Variants in RAB7A observed in about 807,000 individuals in gnomAD.
RAB7A encodes the protein RAB7A, member RAS oncogene family, also known as ras-related protein Rab-7a.
In RAB7A, 2 loss-of-function variants were observed where a neutral mutation model predicts 24.5. That is an observed-to-expected ratio of 0.08 (90% CI 0.03 to 0.26). RAB7A has a LOEUF of 0.26. Ranked by LOEUF, RAB7A falls within the 10% of genes least tolerant of loss-of-function variation. RAB7A has a pLI of 1.00. For synonymous variants in RAB7A, 100 were observed against 95.9 expected (o/e 1.04, Z -0.25); for missense variants, 118 against 255.7 (o/e 0.46, Z 3.67).
chr3:128,773,090 A>G (rs986249181), intron 1 of RAB7A, among the ~76,000 whole-genome samples: 4 of 143,166 alleles, frequency 2.8e-5, no homozygotes, highest in African/African-American at 1.0e-4. Flanking sequence ...CCGGCTGCCC[A>G]GTCTGGGAAG....
intron 1 of RAB7A, among the ~76,000 whole-genome samples, chr3:128,733,610 A>G (rs1285913814): frequency 1.3e-5 from 2 of 152,130 alleles, no homozygotes; most frequent in Non-Finnish European, 2.9e-5. Context: ...TTTGTAAATG[A>G]CTGTCTTCTC....
intron 1 of RAB7A, among the ~76,000 whole-genome samples, chr3:128,762,959 A>C (rs1201187501): frequency 2.0e-5 from 3 of 152,086 alleles, no homozygotes; most frequent in Admixed American, 6.5e-5. Context: ...ATTAGACCTC[A>C]TGATACTTCA....
intron 1 of RAB7A, among the ~76,000 whole-genome samples, chr3:128,740,786 A>G (rs1179152662): frequency 6.6e-6 from 1 of 151,008 alleles, no homozygotes; most frequent in African/African-American, 2.4e-5. Flanking sequence ...ACTTGTAGTC[A>G]CACCTACTTG....
intron 1 of RAB7A, among the ~76,000 whole-genome samples, chr3:128,739,873 CG>C (rs1192782880): frequency 1.4e-4 from 22 of 151,996 alleles, no homozygotes; most frequent in African/African-American, 5.3e-4. Context: ...TGAAGACCAG[CG>C]TGACCAACAT....
At chr3:128,763,404 A>T (rs1027074823) in intron 1 of RAB7A, among the ~76,000 whole-genome samples, 1 of 151,256 alleles carries the variant, frequency 6.6e-6, no homozygotes, top group Non-Finnish European at 1.5e-5. Flanking sequence ...TTTTTAGTAG[A>T]GACGGGGTTT....
chr3:128,734,906 A>T (rs929809556), intron 1 of RAB7A, among the ~76,000 whole-genome samples: 3 of 152,238 alleles, frequency 2.0e-5, no homozygotes, highest in Non-Finnish European at 4.4e-5. Flanking sequence ...ATGAATCATT[A>T]TTCTAGAATG....
chr3:128,788,985 C>T (rs1431193797), intron 1 of RAB7A, among the ~76,000 whole-genome samples: 1 of 152,164 alleles, frequency 6.6e-6, no homozygotes, highest in African/African-American at 2.4e-5. Context: ...AAACATTGTA[C>T]TTGAAAGAAA....
At chr3:128,802,130 C>T (rs186661754) in intron 3 of RAB7A, among the ~76,000 whole-genome samples, 1 of 152,350 alleles carries the variant, frequency 6.6e-6, no homozygotes, top group African/African-American at 2.4e-5. Flanking sequence ...GAAGGAAGAA[C>T]ACTTCAATAG....
intron 1 of RAB7A, among the ~76,000 whole-genome samples, chr3:128,792,911 C>T (rs1490679675): frequency 6.6e-6 from 1 of 150,688 alleles, no homozygotes; most frequent in Non-Finnish European, 1.5e-5. Context: ...AGTGCAGTGG[C>T]GTGATCTCGG....
chr3:128,734,923 G>A (rs1047379059), intron 1 of RAB7A, among the ~76,000 whole-genome samples: 5 of 152,186 alleles, frequency 3.3e-5, no homozygotes, highest in Non-Finnish European at 7.4e-5. Flanking sequence ...AATGGATCTT[G>A]AAATATTACT....
chr3:128,789,223 CTCTT>C (rs1933402845), intron 1 of RAB7A, among the ~76,000 whole-genome samples: 1 of 152,062 alleles, frequency 6.6e-6, no homozygotes, highest in Admixed American at 6.5e-5. Context: ...TCTTATGTAA[CTCTT>C]TCTTCCTTTC....
chr3:128,794,300 TTTTA>T (rs1310866805), intron 1 of RAB7A, among the ~76,000 whole-genome samples: 30 of 152,356 alleles, frequency 2.0e-4, no homozygotes, highest in African/African-American at 7.0e-4. Context: ...GTCCTGAGCA[TTTTA>T]TTTATTCAGT....
intron 3 of RAB7A, among the ~76,000 whole-genome samples, chr3:128,805,888 G>A (rs1933792657): frequency 6.6e-6 from 1 of 152,132 alleles, no homozygotes; most frequent in Non-Finnish European, 1.5e-5. Context: ...CTGACCTCCG[G>A]TGATCCACTG....
chr3:128,770,696 C>T (rs1048415025), intron 1 of RAB7A, among the ~76,000 whole-genome samples: 3 of 152,174 alleles, frequency 2.0e-5, no homozygotes, highest in Non-Finnish European at 4.4e-5. Flanking sequence ...CCATCTCCTG[C>T]ATTGTCTCTG....
chr3:128,736,699 A>T (rs930941506), intron 1 of RAB7A, among the ~76,000 whole-genome samples: 1 of 152,160 alleles, frequency 6.6e-6, no homozygotes, highest in African/African-American at 2.4e-5. Flanking sequence ...AAAAAATTTA[A>T]ATACAGTTGA....
chr3:128,761,407 C>T (rs919483593), intron 1 of RAB7A, among the ~76,000 whole-genome samples: 2 of 152,176 alleles, frequency 1.3e-5, no homozygotes, highest in East Asian at 3.8e-4. Context: ...CTTGACTATT[C>T]TTATGACATC....
At chr3:128,735,363 C>T (rs1053486856) in intron 1 of RAB7A, among the ~76,000 whole-genome samples, 1 of 151,598 alleles carries the variant, frequency 6.6e-6, no homozygotes, top group Non-Finnish European at 1.5e-5. Flanking sequence ...GTAGGGAGGG[C>T]AGGCACTGCA....
chr3:128,777,695 C>CTCTA (rs1404711004), intron 1 of RAB7A, among the ~76,000 whole-genome samples: 1 of 152,292 alleles, frequency 6.6e-6, no homozygotes, highest in Non-Finnish European at 1.5e-5. Flanking sequence ...CAGCCAAGGA[C>CTCTA]TCTATAAAAG....
intron 1 of RAB7A, among the ~76,000 whole-genome samples, chr3:128,730,418 C>T (rs920323348): frequency 2.6e-5 from 4 of 152,040 alleles, no homozygotes; most frequent in Non-Finnish European, 5.9e-5. Flanking sequence ...TTAGTAGAGA[C>T]GGGGTTTCAC....
Sources: allele counts gnomAD v4.1 joint callset (sites outside exome capture counted in the v4.1 genomes callset), GRCh38; gene constraint gnomAD v4.1.1; transcripts MANE v1.5; gene names NCBI Gene and HGNC (gene_info 2026-07-23, HGNC 2026-07-21).